The following IL1RAPL2 variants were observed in gnomAD, a reference collection of about 807,000 sequenced individuals.
IL1RAPL2 encodes interleukin 1 receptor accessory protein like 2.
IL1RAPL2 carries 3 observed loss-of-function variants against 44.1 expected under a neutral mutation model. The observed-to-expected ratio is 0.07, with a 90% CI of 0.03 to 0.18. IL1RAPL2 has a LOEUF of 0.18. Ranked by LOEUF, IL1RAPL2 falls within the 10% of genes least tolerant of loss-of-function variation. IL1RAPL2 has a pLI of 1.00. For synonymous variants in IL1RAPL2, 181 were observed against 178.8 expected (o/e 1.01, Z -0.10); for missense variants, 391 against 496.4 (o/e 0.79, Z 2.02).
intron 5 of IL1RAPL2, among the ~76,000 whole-genome samples, chrX:105,456,859 A>G (rs966055311): frequency 5.4e-5 from 6 of 111,066 alleles, no homozygotes; most frequent in Non-Finnish European, 1.1e-4. Flanking sequence ...TTTTAATTTT[A>G]GACATTTGTA....
chrX:104,705,211 G>A (rs1931344894), intron 2 of IL1RAPL2, among the ~76,000 whole-genome samples: 1 of 111,714 alleles, frequency 9.0e-6, no homozygotes, highest in African/African-American at 3.2e-5. Context: ...TTACACATGA[G>A]GAGATGGAGA....
intron 2 of IL1RAPL2, among the ~76,000 whole-genome samples, chrX:105,088,086 C>T (rs945945221): frequency 8.9e-6 from 1 of 111,997 alleles, no homozygotes; most frequent in Non-Finnish European, 1.9e-5. Context: ...TAAACATTAA[C>T]ATAAGAATGT....
intron 1 of IL1RAPL2, among the ~76,000 whole-genome samples, chrX:104,623,512 C>T (rs778440225): frequency 1.8e-5 from 2 of 110,908 alleles, no homozygotes; most frequent in Non-Finnish European, 3.8e-5. Context: ...GGAGTATTCA[C>T]ACCACAGGAA....
At chrX:105,756,319 G>A (rs1391866276) in intron 10 of IL1RAPL2, among the ~76,000 whole-genome samples, 1 of 111,732 alleles carries the variant, frequency 8.9e-6, no homozygotes, top group Admixed American at 9.5e-5. Flanking sequence ...TCCTCATGCT[G>A]AGGAAGCAAA....
intron 2 of IL1RAPL2, among the ~76,000 whole-genome samples, chrX:104,927,099 T>A (rs1924791885): frequency 8.9e-6 from 1 of 112,111 alleles, no homozygotes; most frequent in Non-Finnish European, 1.9e-5. Context: ...GTAACTCCAA[T>A]GCAAAGTAAA....
intron 5 of IL1RAPL2, among the ~76,000 whole-genome samples, chrX:105,404,547 AG>A (rs1177344767): frequency 4.5e-5 from 5 of 111,241 alleles, no homozygotes; most frequent in Non-Finnish European, 9.4e-5. Context: ...TATTCTGTTC[AG>A]GGACAGGAGG....
intron 6 of IL1RAPL2, among the ~76,000 whole-genome samples, chrX:105,524,391 TA>T (rs1390781456): frequency 2.7e-5 from 3 of 110,779 alleles, no homozygotes; most frequent in African/African-American, 9.8e-5. Context: ...TAGGCTCCAA[TA>T]ATTCAGAATT....
chrX:104,809,060 T>A (rs1402191289), intron 2 of IL1RAPL2, among the ~76,000 whole-genome samples: 2 of 111,934 alleles, frequency 1.8e-5, no homozygotes, highest in African/African-American at 6.5e-5. Flanking sequence ...TGATGATAAA[T>A]CAGATCTTTT....
intron 2 of IL1RAPL2, among the ~76,000 whole-genome samples, chrX:105,016,674 G>A (rs973733805): frequency 2.7e-5 from 3 of 111,678 alleles, no homozygotes; most frequent in Non-Finnish European, 3.8e-5. Context: ...CAACTTGATC[G>A]TGGTGGATAA....
rs210438 is a variant in IL1RAPL2 at position 105,714,427 on chromosome X, G to A, written c.773-2940G>A. On this transcript the variant is annotated intron_variant, in intron 6 of 10. Transcript: ENST00000372582. ...TTGTTATAGCAACAACCCCACTCTC[G>A]GTACCAATTTTTCTGTCTTAGTCCA... Among the ~76,000 whole-genome samples the A allele has an allele frequency of 7.0e-3, 785 of 111,376 alleles. 9 individuals are homozygous for A. Among genetic ancestry groups the A allele is most frequent in the South Asian group, 0.056 (146 of 2,616 alleles).
intron 2 of IL1RAPL2, among the ~76,000 whole-genome samples, chrX:104,795,424 T>TC (rs1259131213): frequency 9.0e-6 from 1 of 110,519 alleles, no homozygotes; most frequent in Non-Finnish European, 1.9e-5. Context: ...CCTTCCTTTT[T>TC]TTTTTTTAAC....
At chrX:105,515,851 G>T (rs909538993) in intron 6 of IL1RAPL2, among the ~76,000 whole-genome samples, 4 of 111,639 alleles carry the variant, frequency 3.6e-5, no homozygotes, top group African/African-American at 1.3e-4. Flanking sequence ...CAGGAAAATA[G>T]ATCTAGATTA....
Position 105,533,565 on chromosome X carries a change from C to T in IL1RAPL2, c.772+49178C>T, listed in dbSNP as rs767745814. ...TCAAGGTATTCAACTATAGCATCAACACGAGGCTCCCTCAAAGACCCTCTT... is the reference window on the plus strand; with the variant it reads ...TCAAGGTATTCAACTATAGCATCAATACGAGGCTCCCTCAAAGACCCTCTT... On this transcript the variant is annotated intron_variant, in intron 6 of 10. Coordinates refer to ENST00000372582, the MANE Select transcript of IL1RAPL2 (RefSeq NM_017416.2). 3.5e-4 allele frequency among the ~76,000 whole-genome samples: 39 copies of T among 112,176 alleles called. No homozygotes were observed. The Admixed American group carries it at 3.7e-3, about 11-fold the overall frequency.
At chrX:104,984,328 C>A (rs1462475789) in intron 2 of IL1RAPL2, among the ~76,000 whole-genome samples, 1 of 111,237 alleles carries the variant, frequency 9.0e-6, no homozygotes, top group Non-Finnish European at 1.9e-5. Flanking sequence ...CACAGCAATC[C>A]CATTATCTCC....
intron 3 of IL1RAPL2, among the ~76,000 whole-genome samples, chrX:105,215,025 A>G (rs1471323320): frequency 6.2e-5 from 7 of 112,284 alleles, no homozygotes; most frequent in Non-Finnish European, 9.4e-5. Flanking sequence ...ATCTGAAATC[A>G]ACACACTAAC....
chrX:105,181,032 T>G (rs1227367525), intron 2 of IL1RAPL2, among the ~76,000 whole-genome samples: 1 of 112,011 alleles, frequency 8.9e-6, no homozygotes, highest in African/African-American at 3.2e-5. Flanking sequence ...TCTATTCAGG[T>G]TTTCTATTTC....
intron 3 of IL1RAPL2, among the ~76,000 whole-genome samples, chrX:105,196,631 A>G (rs966872470): frequency 1.9e-4 from 21 of 111,716 alleles, no homozygotes; most frequent in Non-Finnish European, 3.6e-4. Context: ...GTGGAAAGAT[A>G]TCACAGACAT....
intron 1 of IL1RAPL2, among the ~76,000 whole-genome samples, chrX:104,573,119 T>C (rs1304763550): frequency 8.9e-6 from 1 of 112,091 alleles, no homozygotes; most frequent in Non-Finnish European, 1.9e-5. Context: ...ATCTCAGTAT[T>C]AGCCTTAGCA....
chrX:105,125,269 G>GA (rs1364799757), intron 2 of IL1RAPL2, among the ~76,000 whole-genome samples: 3 of 110,667 alleles, frequency 2.7e-5, no homozygotes, highest in Non-Finnish European at 5.7e-5. Flanking sequence ...GTGCCTGGCA[G>GA]AAAAAAGGTG....
Sources: gnomAD v4.1 joint callset for allele counts (sites outside exome capture counted in the v4.1 genomes callset) on GRCh38, gnomAD v4.1.1 for gene constraint, MANE v1.5 for transcripts, NCBI Gene and HGNC (gene_info 2026-07-23, HGNC 2026-07-21) for gene names.